C4orf50: variants seen among roughly 807,000 people sequenced by gnomAD.
C4orf50 encodes the protein chromosome 4 open reading frame 50.
A neutral mutation model predicts 77.2 loss-of-function variants in C4orf50; 80 were observed. The observed-to-expected ratio is 1.04, with a 90% CI of 0.87 to 1.25. The LOEUF (loss-of-function observed/expected upper bound fraction) is 1.25, where lower values mean the gene tolerates loss of function less well. C4orf50 is among the 50% of genes most tolerant of loss of function. C4orf50 has a pLI of 0.00. For synonymous variants in C4orf50, 532 were observed against 465.3 expected (o/e 1.14, Z -1.84); for missense variants, 1,257 against 1,152.9 (o/e 1.09, Z -1.31).
At chr4:5,915,222 A>G (rs972854199) in intron 7 of C4orf50, among the ~76,000 whole-genome samples, 2 of 152,164 alleles carry the variant, frequency 1.3e-5, no homozygotes, top group Non-Finnish European at 2.9e-5. Context: ...GGGCCATGCC[A>G]GGACCCCCTT....
chr4:5,978,173 G>GT (rs1560577751), intron 29 of C4orf50, among the ~76,000 whole-genome samples: 1 of 152,348 alleles, frequency 6.6e-6, no homozygotes, highest in East Asian at 1.9e-4. Flanking sequence ...AGTAGCAAAT[G>GT]TTAGTGAGAA....
intron 7 of C4orf50, among the ~76,000 whole-genome samples, chr4:5,935,704 T>C (rs1324240077): frequency 1.4e-5 from 2 of 147,736 alleles, no homozygotes; most frequent in Admixed American, 6.9e-5. Context: ...GAGAATCACT[T>C]GAACCCGGGA....
chr4:5,994,309 C>G, intron 26 of C4orf50, 38 bp downstream of exon 4: 1 of 399,138 alleles, frequency 2.5e-6, no homozygotes, highest in Non-Finnish European at 4.4e-6. Context: ...TGGGTGCTGC[C>G]CGCGACTCGT....
At chr4:5,897,986 C>CAA (rs1716195655) in exon 8 of C4orf50, 1 of 152,230 alleles carries the variant, frequency 6.6e-6, no homozygotes, top group Non-Finnish European at 1.5e-5. Context: ...ACATTCTCAG[C>CAA]CTTGAGTTTA....
At chr4:6,005,832 C>A (rs1341277826) in intron 25 of C4orf50, among the ~76,000 whole-genome samples, 1 of 152,104 alleles carries the variant, frequency 6.6e-6, no homozygotes, top group Non-Finnish European at 1.5e-5. Flanking sequence ...ACACAGCAGC[C>A]TGCAGTGCAG....
At chr4:5,940,584 G>T (rs1718217694) in intron 7 of C4orf50, among the ~76,000 whole-genome samples, 1 of 152,194 alleles carries the variant, frequency 6.6e-6, no homozygotes. Context: ...TTTCCTGCCA[G>T]TGAAGGACTG....
intron 7 of C4orf50, among the ~76,000 whole-genome samples, chr4:5,945,548 C>T (rs1007725107): frequency 6.6e-6 from 1 of 152,080 alleles, no homozygotes; most frequent in South Asian, 2.1e-4. Context: ...CAAAATGAGT[C>T]GCAGGGCCCT....
At chr4:5,960,639 T>C (rs1560565797) in intron 33 of C4orf50, among the ~76,000 whole-genome samples, 1 of 152,162 alleles carries the variant, frequency 6.6e-6, no homozygotes. Context: ...CTCAATATTA[T>C]GCTGCAGGGT....
At position 5,916,139 on chromosome 4, in the gene C4orf50, G is replaced by A. The variant is rs1237376925; in HGVS notation, c.*2475-17951C>T. 6.6e-6 allele frequency among the ~76,000 whole-genome samples: 1 copy of A among 152,198 alleles called. No individual in the cohort carries two copies. The highest frequency in any genetic ancestry group is 2.4e-5 in the African/African-American group (1 of 41,438). ...CCAGGGACCCAAGCATTGCCAAGAA[G>A]CCCTACCATTTTCCTGGTTCCTGTG... is the stretch of plus-strand genomic sequence containing the variant. On this transcript the variant is annotated intron_variant, in intron 7 of 7. Transcript: ENST00000324058. This position sits in a 1 kb window ranked among gnomAD's most constrained non-coding sequence, Gnocchi z 4.4.
intron 7 of C4orf50, among the ~76,000 whole-genome samples, chr4:5,923,636 A>G (rs1009455393): frequency 2.6e-5 from 4 of 152,146 alleles, no homozygotes; most frequent in African/African-American, 9.7e-5. Context: ...ATCCATCAGT[A>G]GGGAATGTGG....
intron 7 of C4orf50, among the ~76,000 whole-genome samples, chr4:5,948,402 C>A (rs191893045): frequency 6.6e-6 from 1 of 152,224 alleles, no homozygotes; most frequent in African/African-American, 2.4e-5. Context: ...TGGTGGCTTA[C>A]GCCTGTAATA....
chr4:5,963,956 G>C (rs1015654245), intron 33 of C4orf50, among the ~76,000 whole-genome samples: 1 of 152,248 alleles, frequency 6.6e-6, no homozygotes. Context: ...AGAGGGGAGT[G>C]CTGCTCTGGC....
Position 6,004,422 on chromosome 4 carries a change from G to A in C4orf50, c.963+3574C>T, listed in dbSNP as rs375352288. ...TGGTGATGGAGATGTTGGTGATGAT[G>A]GTGATGGTGGTGATGATGTGATGGT... On this transcript the variant is annotated intron_variant, in intron 25 of 33. Transcript: ENST00000531445. 2.4e-3 allele frequency among the ~76,000 whole-genome samples: 350 copies of A among 143,000 alleles called. 3 individuals carry two copies. The highest frequency in any genetic ancestry group is 3.4e-3 in the Non-Finnish European group (222 of 64,458). 93.8% of individuals were successfully genotyped at this position (143,000 alleles called of 152,430 possible). A position where few individuals can be genotyped will look rare whatever the true frequency, so the allele number is the denominator to read the frequency against.
chr4:5,949,292 G>C (rs1017376798), intron 7 of C4orf50, among the ~76,000 whole-genome samples: 1 of 152,220 alleles, frequency 6.6e-6, no homozygotes, highest in Non-Finnish European at 1.5e-5. Flanking sequence ...CACACCACCA[G>C]GGTTCACAGA....
At chr4:5,987,412 C>CAAAAAAAAAAAAAAAAAAAAAAAAAA (rs58512584) in intron 28 of C4orf50, among the ~76,000 whole-genome samples, 2 of 33,648 alleles carry the variant, frequency 5.9e-5, no homozygotes, top group African/African-American at 1.8e-4. Flanking sequence ...CTCTGTCTCA[C>CAAAAAAAAAAAAAAAAAAAAAAAAAA]AAAAAAAAAA....
intron 7 of C4orf50, among the ~76,000 whole-genome samples, chr4:5,951,100 C>T (rs971082202): frequency 2.0e-5 from 3 of 152,186 alleles, no homozygotes; most frequent in Admixed American, 2.0e-4. Context: ...GGATGGCTGG[C>T]TATCTTCTGG....
At position 5,978,125 on chromosome 4, in the gene C4orf50, T is replaced by G. The variant is rs115505038; in HGVS notation, c.3864+2049A>C. Among the ~76,000 whole-genome samples, 665 of 152,264 alleles carry G rather than the reference T, an allele frequency of 4.4e-3. 5 individuals are homozygous for G. Among genetic ancestry groups the G allele is most frequent in the African/African-American group, 0.015 (630 of 41,544 alleles). On this transcript the variant is annotated intron_variant, in intron 29 of 33. Transcript: ENST00000531445. ...AGCTCAAAACCAATGAGAGACAATCTCCCACTAACTAGGATGTCTATGATA... is the reference window on the plus strand; with the variant it reads ...AGCTCAAAACCAATGAGAGACAATCGCCCACTAACTAGGATGTCTATGATA...
At chr4:5,979,722 T>C (rs545617084) in intron 29 of C4orf50, among the ~76,000 whole-genome samples, 9 of 152,388 alleles carry the variant, frequency 5.9e-5, no homozygotes, top group African/African-American at 1.7e-4. Flanking sequence ...TGCAAAACTA[T>C]AGTGTCATGT....
chr4:5,954,111 C>T (rs1718844841), downstream of C4orf50, among the ~76,000 whole-genome samples: 1 of 152,248 alleles, frequency 6.6e-6, no homozygotes, highest in African/African-American at 2.4e-5. The surrounding 1 kb of genome is among the most constrained non-coding windows in gnomAD (Gnocchi z 4.7). Flanking sequence ...CTCTGCCTCC[C>T]TGGCTCCCAG....
Sources: gnomAD v4.1 joint callset for allele counts (sites outside exome capture counted in the v4.1 genomes callset) on GRCh38, gnomAD v4.1.1 for gene constraint, Gnocchi (gnomAD v3.1) non-coding constraint, MANE v1.5 for transcripts, NCBI Gene and HGNC (gene_info 2026-07-23, HGNC 2026-07-21) for gene names.